SORCS1: variants seen among roughly 807,000 people sequenced by gnomAD.
SORCS1 encodes VPS10 domain-containing receptor SorCS1.
In SORCS1, 60 loss-of-function variants were observed where a neutral mutation model predicts 146.1. The ratio of observed to expected loss-of-function variants is 0.41; its 90% CI spans 0.33 to 0.51. SORCS1 has a LOEUF of 0.51. Ranked by LOEUF, SORCS1 falls within the 20% of genes least tolerant of loss-of-function variation. SORCS1 has a pLI of 0.21. For synonymous variants in SORCS1, 637 were observed against 584.0 expected, an observed-to-expected ratio of 1.09 and a Z score of -1.31; for missense variants, 1,352 against 1,487.6, an observed-to-expected ratio of 0.91 and a Z score of 1.50.
At chr10:106,741,887 C>T (rs753073981) in intron 5 of SORCS1, among the ~76,000 whole-genome samples, 1 of 152,324 alleles carries the variant, frequency 6.6e-6, no homozygotes, top group South Asian at 2.1e-4. Flanking sequence ...TCAGTTTTTA[C>T]ACGGACAGCT....
At chr10:107,004,744 A>C (rs1326103998) in intron 1 of SORCS1, among the ~76,000 whole-genome samples, 2 of 152,174 alleles carry the variant, frequency 1.3e-5, no homozygotes, top group South Asian at 2.1e-4. Flanking sequence ...CTATAGGTCC[A>C]TACTTTGGGC....
At chr10:107,152,512 G>A (rs1239587144) in intron 1 of SORCS1, among the ~76,000 whole-genome samples, 2 of 152,128 alleles carry the variant, frequency 1.3e-5, no homozygotes, top group African/African-American at 4.8e-5. Context: ...CCCCACACAT[G>A]GGACCTAGCG....
At chr10:107,056,243 T>C (rs1564980102) in intron 1 of SORCS1, among the ~76,000 whole-genome samples, 1 of 152,198 alleles carries the variant, frequency 6.6e-6, no homozygotes, top group African/African-American at 2.4e-5. Flanking sequence ...TTTAGTAAGC[T>C]GAGCAATAGG....
intron 24 of SORCS1, among the ~76,000 whole-genome samples, chr10:106,584,798 T>C (rs1199571066): frequency 1.3e-5 from 2 of 152,178 alleles, no homozygotes; most frequent in Non-Finnish European, 2.9e-5. Context: ...AGGGTGAATC[T>C]TCAGTAATAT....
intron 3 of SORCS1, among the ~76,000 whole-genome samples, chr10:106,789,731 T>C (rs1210227564): frequency 2.0e-5 from 3 of 152,248 alleles, no homozygotes; most frequent in Admixed American, 1.3e-4. Flanking sequence ...TTCTAACCTC[T>C]GCCTGTTATG....
intron 1 of SORCS1, among the ~76,000 whole-genome samples, chr10:107,156,133 T>C (rs1185699583): frequency 6.6e-6 from 1 of 152,204 alleles, no homozygotes; most frequent in African/African-American, 2.4e-5. Flanking sequence ...ATGTCATTCA[T>C]ATAAAGAGCT....
intron 18 of SORCS1, among the ~76,000 whole-genome samples, chr10:106,638,208 T>G (rs764299924): frequency 7.9e-5 from 12 of 152,340 alleles, no homozygotes; most frequent in Non-Finnish European, 1.2e-4. Context: ...GACATAAATC[T>G]TAAAATGTTT....
intron 2 of SORCS1, among the ~76,000 whole-genome samples, chr10:106,909,608 G>A (rs1952054333): frequency 6.6e-6 from 1 of 152,138 alleles, no homozygotes; most frequent in Non-Finnish European, 1.5e-5. Context: ...AGGGGGTGGT[G>A]GTGTGTGCTT....
At chr10:106,926,290 T>C (rs1009604829) in intron 2 of SORCS1, among the ~76,000 whole-genome samples, 2 of 152,248 alleles carry the variant, frequency 1.3e-5, no homozygotes, top group African/African-American at 2.4e-5. Context: ...ATTAAGAATA[T>C]GTGCTTTTTA....
intron 2 of SORCS1, among the ~76,000 whole-genome samples, chr10:106,950,470 C>G (rs1954621374): frequency 6.6e-6 from 1 of 152,152 alleles, no homozygotes; most frequent in South Asian, 2.1e-4. Context: ...GTGCACGTAT[C>G]TACTTGTTGG....
At chr10:106,965,445 G>T (rs1242671028) in intron 1 of SORCS1, among the ~76,000 whole-genome samples, 1 of 152,188 alleles carries the variant, frequency 6.6e-6, no homozygotes, top group African/African-American at 2.4e-5. Context: ...CAAAGAAAGA[G>T]TGGGGAATGG....
At chr10:107,067,265 G>A (rs1403062393) in intron 1 of SORCS1, among the ~76,000 whole-genome samples, 3 of 151,098 alleles carry the variant, frequency 2.0e-5, no homozygotes, top group Non-Finnish European at 4.4e-5. Flanking sequence ...CCAAACCTTA[G>A]GAAAAAGAGT....
At chr10:106,781,915 A>G in intron 3 of SORCS1, among the ~76,000 whole-genome samples, 1 of 147,934 alleles carries the variant, frequency 6.8e-6, no homozygotes, top group African/African-American at 2.7e-5. Flanking sequence ...AAAAAGCTCA[A>G]ATCAAGCACA....
At chr10:106,721,941 G>C (rs1156747759) in intron 6 of SORCS1, among the ~76,000 whole-genome samples, 1 of 152,016 alleles carries the variant, frequency 6.6e-6, no homozygotes, top group Non-Finnish European at 1.5e-5. Flanking sequence ...CCATGAAGTT[G>C]CTAAATTTAT....
Position 106,575,801 on chromosome 10 carries a change from C to T in SORCS1, c.*1619G>A, listed in dbSNP as rs905313391. On this transcript the variant is annotated 3_prime_UTR_variant, in exon 26 of 26. Coordinates refer to ENST00000263054, the MANE Select transcript of SORCS1 (RefSeq NM_052918.5). ...ATTTATTCTCTCAGACTGTTTGACA[C>T]TCTTAAACACAAAGTCCATTAACCT... 5 of 152,768 alleles carry T rather than the reference C, an allele frequency of 3.3e-5. No individual in the cohort carries two copies. The highest frequency in any genetic ancestry group is 1.2e-4 in the African/African-American group (5 of 41,588). The allele number at this position is 152,768 out of a possible 1,614,324, so 9.5% of individuals were successfully genotyped here. A position where few individuals can be genotyped will look rare whatever the true frequency, so the allele number is the denominator to read the frequency against.
chr10:107,007,594 T>C (rs560887073), intron 1 of SORCS1, among the ~76,000 whole-genome samples: 42 of 152,356 alleles, frequency 2.8e-4, no homozygotes, highest in African/African-American at 1.0e-3. Context: ...AAAGTGAAGA[T>C]TCATGACCAA....
chr10:107,052,902 A>T (rs185018080), intron 1 of SORCS1, among the ~76,000 whole-genome samples: 237 of 152,284 alleles, frequency 1.6e-3, no homozygotes, highest in African/African-American at 5.5e-3. Flanking sequence ...TCCATAGAAG[A>T]TTCACAGCAA....
At chr10:106,833,191 T>C (rs755263733) in intron 2 of SORCS1, among the ~76,000 whole-genome samples, 32 of 152,344 alleles carry the variant, frequency 2.1e-4, no homozygotes, top group Non-Finnish European at 3.8e-4. Flanking sequence ...CCTCAAGGTA[T>C]CTATCATTAT....
intron 15 of SORCS1, among the ~76,000 whole-genome samples, chr10:106,672,253 C>T (rs540526357): frequency 2.0e-5 from 3 of 152,108 alleles, no homozygotes; most frequent in African/African-American, 2.4e-5. Flanking sequence ...GAGAGATCTG[C>T]GGAACGACTT....
Sources: gnomAD v4.1 joint callset for allele counts (sites outside exome capture counted in the v4.1 genomes callset) on GRCh38, gnomAD v4.1.1 for gene constraint, MANE v1.5 for transcripts, NCBI Gene and HGNC (gene_info 2026-07-23, HGNC 2026-07-21) for gene names.